KIAA1217: variants seen among roughly 807,000 people sequenced by gnomAD.
KIAA1217 encodes the protein sickle tail protein homolog.
A neutral mutation model predicts 163.9 loss-of-function variants in KIAA1217; 88 were observed. The observed-to-expected ratio is 0.54, with a 90% CI of 0.45 to 0.64. The LOEUF is 0.64. KIAA1217 is among the 30% of genes least tolerant of loss of function. KIAA1217 has a pLI of 0.00. For synonymous variants in KIAA1217, 903 were observed against 923.1 expected, an observed-to-expected ratio of 0.98 and a Z score of 0.39; for missense variants, 2,372 against 2,475.0, an observed-to-expected ratio of 0.96 and a Z score of 0.88.
chr10:24,433,235 A>G, intron 4 of KIAA1217, 42 bp downstream of exon 4: 2 of 1,513,486 alleles, frequency 1.3e-6, no homozygotes, highest in Non-Finnish European at 1.8e-6. Context: ...TTTGCCTTAG[A>G]GTTTTTTTTG....
At chr10:23,868,336 G>T (rs983470283) in intron 1 of KIAA1217, among the ~76,000 whole-genome samples, 6 of 152,100 alleles carry the variant, frequency 3.9e-5, no homozygotes, top group African/African-American at 9.7e-5. Flanking sequence ...CAGCAAATAG[G>T]CTGAGCAGAG....
At chr10:23,732,492 A>G (rs902095001) in intron 1 of KIAA1217, among the ~76,000 whole-genome samples, 10 of 152,198 alleles carry the variant, frequency 6.6e-5, no homozygotes, top group Admixed American at 6.5e-4. Context: ...GATGATTTAT[A>G]GTATACAGGA....
chr10:24,209,430 A>G (rs1267377788), intron 1 of KIAA1217, among the ~76,000 whole-genome samples, 167 bp downstream of exon 1: 1 of 151,398 alleles, frequency 6.6e-6, no homozygotes, highest in African/African-American at 2.4e-5. Flanking sequence ...GAGAACTGTG[A>G]TTTCTTAGGC....
At chr10:24,094,605 G>C (rs1212109199) in intron 2 of KIAA1217, among the ~76,000 whole-genome samples, 1 of 152,196 alleles carries the variant, frequency 6.6e-6, no homozygotes, top group African/African-American at 2.4e-5. Flanking sequence ...TTGTCTCAGA[G>C]GAGTACCCAG....
At chr10:24,415,485 T>C (rs537639901) in intron 3 of KIAA1217, among the ~76,000 whole-genome samples, 2 of 151,700 alleles carry the variant, frequency 1.3e-5, no homozygotes, top group South Asian at 4.2e-4. Flanking sequence ...CACTTGCTCT[T>C]GGGGAAAAAA....
chr10:24,082,272 T>C (rs939447533), intron 2 of KIAA1217, among the ~76,000 whole-genome samples: 1 of 152,098 alleles, frequency 6.6e-6, no homozygotes, highest in African/African-American at 2.4e-5. Context: ...CCAGGGTACA[T>C]GTGCAGGATG....
chr10:24,503,129 C>T (rs997758596), intron 9 of KIAA1217, among the ~76,000 whole-genome samples: 2 of 152,184 alleles, frequency 1.3e-5, no homozygotes, highest in Admixed American at 6.5e-5. Context: ...AGTTGTTTAA[C>T]CACCTAATGA....
intron 2 of KIAA1217, among the ~76,000 whole-genome samples, chr10:24,245,287 T>G (rs1475433554): frequency 6.6e-6 from 1 of 152,186 alleles, no homozygotes; most frequent in Non-Finnish European, 1.5e-5. Flanking sequence ...CCCGTCGAAG[T>G]GACGATAGGA....
chr10:24,144,848 T>C (rs578056845), intron 2 of KIAA1217, among the ~76,000 whole-genome samples: 2 of 152,316 alleles, frequency 1.3e-5, no homozygotes, highest in East Asian at 3.9e-4. Context: ...ATCTCTGCTT[T>C]TCTCTTGTTA....
At chr10:24,097,438 A>G (rs1190265055) in intron 2 of KIAA1217, among the ~76,000 whole-genome samples, 2 of 152,122 alleles carry the variant, frequency 1.3e-5, no homozygotes, top group Non-Finnish European at 2.9e-5. Flanking sequence ...CTGTAGTCCC[A>G]GCTACTCAGG....
chr10:23,809,813 G>A (rs1836909265), intron 1 of KIAA1217, among the ~76,000 whole-genome samples: 1 of 151,882 alleles, frequency 6.6e-6, no homozygotes, highest in African/African-American at 2.4e-5. Flanking sequence ...ACAATATGCT[G>A]GATAGCAACA....
At chr10:23,734,382 G>A (rs1262114012) in intron 1 of KIAA1217, among the ~76,000 whole-genome samples, 2 of 151,038 alleles carry the variant, frequency 1.3e-5, no homozygotes, top group African/African-American at 4.9e-5. Flanking sequence ...TGCCTCCCAG[G>A]TTCAAGCAAT....
chr10:24,029,888 C>A (rs986835584), intron 2 of KIAA1217, among the ~76,000 whole-genome samples: 12 of 152,116 alleles, frequency 7.9e-5, no homozygotes, highest in Admixed American at 4.6e-4. Context: ...TGTGACAATG[C>A]AAGGGAACAT....
chr10:23,734,944 T>C lies in KIAA1217; in HGVS notation c.-321+39710T>C, dbSNP rs1226388382. ...TACCTGGTAGTTATTTTCCTGATTCTCTCCCTCCTCCCACCCGCCACCCTT... is the reference window on the plus strand; with the variant it reads ...TACCTGGTAGTTATTTTCCTGATTCCCTCCCTCCTCCCACCCGCCACCCTT... On this transcript the variant is annotated intron_variant, in intron 1 of 18. Coordinates refer to the KIAA1217 transcript ENST00000376462. Among the ~76,000 whole-genome samples the C allele has an allele frequency of 2.0e-5, 3 of 152,198 alleles. No individual in the cohort carries two copies. The East Asian group carries it at 5.8e-4, about 29-fold the overall frequency.
intron 1 of KIAA1217, among the ~76,000 whole-genome samples, chr10:23,815,916 A>T (rs1265376037): frequency 1.3e-5 from 2 of 152,218 alleles, no homozygotes; most frequent in Non-Finnish European, 2.9e-5. Flanking sequence ...AAATTCTCCA[A>T]GCTTACTGCA....
At chr10:23,858,020 A>G (rs986542143) in intron 1 of KIAA1217, among the ~76,000 whole-genome samples, 3 of 151,886 alleles carry the variant, frequency 2.0e-5, no homozygotes, top group Non-Finnish European at 4.4e-5. Flanking sequence ...GAGACAGGCC[A>G]AGAGGATCAG....
Position 23,869,183 on chromosome 10 carries a change from A to C in KIAA1217, c.-320-138042A>C, listed in dbSNP as rs1840344707. ...TAAGTAGCATATATTTTGAAGTAAC[A>C]GCGTTGCTATCTACCTGTTAAAAAG... is the stretch of plus-strand genomic sequence containing the variant. On this transcript the variant is annotated intron_variant, in intron 1 of 18. Transcript: ENST00000376462. Among the ~76,000 whole-genome samples the C allele has an allele frequency of 3.7e-5, 5 of 134,060 alleles. No individual in the cohort carries two copies. In the South Asian group the frequency reaches 1.1e-3, roughly 30 times the overall value. The allele number at this position is 134,060 out of a possible 152,430, so 87.9% of individuals were successfully genotyped here.
chr10:24,039,908 A>G (rs75531539), intron 2 of KIAA1217, among the ~76,000 whole-genome samples: 2,387 of 152,240 alleles, frequency 0.016, 80 homozygotes, highest in African/African-American at 0.055. Flanking sequence ...CAACTCTACA[A>G]GTGGCCTATA....
chr10:24,085,801 C>T (rs570610084), intron 2 of KIAA1217, among the ~76,000 whole-genome samples: 5 of 151,946 alleles, frequency 3.3e-5, no homozygotes, highest in African/African-American at 7.3e-5. Flanking sequence ...GGCAAAATCA[C>T]GTCTCTACAA....
Sources: gnomAD v4.1 joint callset for allele counts (sites outside exome capture counted in the v4.1 genomes callset) on GRCh38, gnomAD v4.1.1 for gene constraint, MANE v1.5 for transcripts, NCBI Gene and HGNC (gene_info 2026-07-23, HGNC 2026-07-21) for gene names.